Variants in ARFGEF2 observed in about 807,000 individuals in gnomAD.
ARFGEF2 encodes the protein ARF guanine nucleotide exchange factor 2.
In ARFGEF2, 74 loss-of-function variants were observed where a neutral mutation model predicts 219.9. The observed-to-expected ratio is 0.34, with a 90% confidence interval of 0.28 to 0.41. The LOEUF is 0.41. ARFGEF2 is among the 10% of genes least tolerant of loss of function. The pLI is 1.00. For synonymous variants in ARFGEF2, 733 were observed against 799.2 expected (o/e 0.92, Z 1.40); for missense variants, 1,743 against 2,218.3 (o/e 0.79, Z 4.30).
At chr20:48,994,363 C>CT in intron 21 of ARFGEF2, 88 bp from the exon 22 acceptor site, 125 of 1,538,650 alleles carry the variant, frequency 8.1e-5, no homozygotes, top group East Asian at 1.4e-4. Context: ...ATTGAACCAA[C>CT]TTTTTTTTAA....
chr20:48,996,483 G>T (rs1008587588), intron 23 of ARFGEF2, among the ~76,000 whole-genome samples: 1 of 151,442 alleles, frequency 6.6e-6, no homozygotes, highest in Non-Finnish European at 1.5e-5. Flanking sequence ...CCATGCTCAT[G>T]CCTGTAATCC....
In ARFGEF2 at chr20:48,965,950, C is replaced by G. The variant is rs1228845330; in HGVS notation, c.986C>G (p.Pro329Arg). 2 of 1,614,160 alleles carry G rather than the reference C, an allele frequency of 1.2e-6. No homozygotes were observed. ...GAGTGCCAGGAATGTGCTATTCCCC[C>G]AGGAGTTGATGAAAACTCACAGACC... ...ELECQECAIPPGVDENSQTNG... is the reference protein window; with the variant it reads ...ELECQECAIPRGVDENSQTNG... The change falls in exon 8 of 39, where the codon CCA becomes CGA. Residue 329 changes from proline (P) to arginine (R), a missense_variant. By Grantham distance (103) the Pro-to-Arg change is moderately radical. This residue lies in a region of ARFGEF2 where 394 missense variants were observed against 426.6 expected (regional missense o/e 0.92). Transcript: ENST00000371917.
intron 6 of ARFGEF2, among the ~76,000 whole-genome samples, chr20:48,963,514 C>T (rs2123393635): frequency 6.6e-6 from 1 of 152,298 alleles, no homozygotes; most frequent in East Asian, 1.9e-4. Context: ...TAAAATCGAG[C>T]TCCTGCCTCC....
At chr20:48,928,176 G>T (rs569860313) in intron 1 of ARFGEF2, among the ~76,000 whole-genome samples, 140 of 151,788 alleles carry the variant, frequency 9.2e-4, no homozygotes, top group Non-Finnish European at 1.4e-3. Flanking sequence ...AAATTCAGAG[G>T]CATTGGTGTT....
intron 34 of ARFGEF2, among the ~76,000 whole-genome samples, chr20:49,022,411 A>C (rs927571883): frequency 6.4e-5 from 9 of 140,154 alleles, no homozygotes; most frequent in South Asian, 4.3e-4. Flanking sequence ...TCTATTTAAA[A>C]AACAACAACA....
chr20:48,954,459 T>G (rs1224622404), intron 6 of ARFGEF2, among the ~76,000 whole-genome samples: 1 of 152,232 alleles, frequency 6.6e-6, no homozygotes, highest in East Asian at 1.9e-4. Flanking sequence ...ATTGGTATTT[T>G]TTCAGGAATT....
At chr20:48,935,408 G>T (rs962356251) in intron 1 of ARFGEF2, among the ~76,000 whole-genome samples, 1 of 151,976 alleles carries the variant, frequency 6.6e-6, no homozygotes, top group Non-Finnish European at 1.5e-5. Context: ...ACAGGGTTGG[G>T]GGTAAGGTCA....
At chr20:49,012,350 G>T (rs1266006355) in intron 28 of ARFGEF2, among the ~76,000 whole-genome samples, 1 of 152,130 alleles carries the variant, frequency 6.6e-6, no homozygotes, top group Non-Finnish European at 1.5e-5. Flanking sequence ...TTTAGCTTTT[G>T]TATTTTGGCA....
Position 48,994,566 on chromosome 20 carries a change from T to C in ARFGEF2, c.3089T>C (p.Leu1030Ser). Residue 1030 changes from leucine (L) to serine (S), a missense_variant, in exon 22 of 39, where the codon TTG becomes TCG. By Grantham distance (145) the Leu-to-Ser change is moderately radical. Coordinates refer to ENST00000371917, the MANE Select transcript of ARFGEF2 (RefSeq NM_006420.3). ...EREGSLKGHT[L>S]AGEEFMGLGL... Reference sequence around the variant, plus strand: ...GAAGGGAGCCTGAAGGGCCACACATTGGCAGGAGAAGAGTTCATGGGCCTT... The same window carrying C: ...GAAGGGAGCCTGAAGGGCCACACATCGGCAGGAGAAGAGTTCATGGGCCTT... The C allele has an allele frequency of 1.2e-6, 2 of 1,614,086 alleles. No individual in the cohort carries two copies. Among genetic ancestry groups the C allele is most frequent in the Non-Finnish European group, 1.7e-6 (2 of 1,180,028 alleles).
At chr20:48,932,310 A>G (rs915100667) in intron 1 of ARFGEF2, among the ~76,000 whole-genome samples, 45 of 152,150 alleles carry the variant, frequency 3.0e-4, no homozygotes, top group African/African-American at 1.0e-3. Flanking sequence ...GGTTGTGAGT[A>G]AAGAGGACGG....
At chr20:48,994,371 T>TA in intron 21 of ARFGEF2, 80 bp from the exon 22 acceptor site, 4 of 1,584,008 alleles carry the variant, frequency 2.5e-6, no homozygotes, top group Non-Finnish European at 3.4e-6. Flanking sequence ...AACTTTTTTT[T>TA]AATGACTAAC....
At chr20:48,950,808 AAAAATATATATATAT>A (rs1268606306) in intron 3 of ARFGEF2, among the ~76,000 whole-genome samples, 16 of 42,286 alleles carry the variant, frequency 3.8e-4, no homozygotes, top group African/African-American at 2.3e-3. Context: ...AAAAAAAAAA[AAAAATATATATATAT>A]ATATATATAT....
chr20:48,954,421 T>G (rs1474510580), intron 6 of ARFGEF2, among the ~76,000 whole-genome samples: 1 of 152,246 alleles, frequency 6.6e-6, no homozygotes, highest in Non-Finnish European at 1.5e-5. Flanking sequence ...TATCTCTCCC[T>G]GGGCAGTTTG....
chr20:48,971,405 AT>A, intron 10 of ARFGEF2, 51 bp downstream of exon 10: 1 of 1,279,602 alleles, frequency 7.8e-7, no homozygotes, highest in Non-Finnish European at 1.1e-6. Context: ...ATTATTAGTC[AT>A]TAATTATAAT....
intron 26 of ARFGEF2, among the ~76,000 whole-genome samples, chr20:49,006,207 T>C (rs1376466020): frequency 1.3e-5 from 2 of 151,978 alleles, no homozygotes; most frequent in Non-Finnish European, 2.9e-5. Flanking sequence ...GGCAGGAGAA[T>C]CGCTTGAACC....
chr20:48,938,269 A>T (rs1233516779), intron 1 of ARFGEF2, among the ~76,000 whole-genome samples: 1 of 152,182 alleles, frequency 6.6e-6, no homozygotes, highest in Non-Finnish European at 1.5e-5. Flanking sequence ...CATAGCACTG[A>T]TCACAGTCCT....
chr20:49,001,333 C>T (rs1458210176), intron 25 of ARFGEF2, among the ~76,000 whole-genome samples: 1 of 152,166 alleles, frequency 6.6e-6, no homozygotes, highest in Non-Finnish European at 1.5e-5. Flanking sequence ...AACCACCGTG[C>T]CCGGCCCTCA....
At chr20:49,016,886 A>G (rs1361857568) in intron 31 of ARFGEF2, among the ~76,000 whole-genome samples, 1 of 152,198 alleles carries the variant, frequency 6.6e-6, no homozygotes, top group Non-Finnish European at 1.5e-5. Flanking sequence ...AAAATAAATG[A>G]CAAAACATTT....
intron 25 of ARFGEF2, among the ~76,000 whole-genome samples, chr20:49,004,214 A>G (rs1369948740): frequency 2.0e-5 from 3 of 152,006 alleles, no homozygotes; most frequent in African/African-American, 7.2e-5. Context: ...TACAAAAAAA[A>G]GTAGCTGGAC....
Sources: allele counts gnomAD v4.1 joint callset (sites outside exome capture counted in the v4.1 genomes callset), GRCh38; gene constraint gnomAD v4.1.1; regional missense constraint gnomAD v4.1.1; transcripts MANE v1.5; gene names NCBI Gene and HGNC (gene_info 2026-07-23, HGNC 2026-07-21).